The following LPGAT1 variants were observed in gnomAD, a reference collection of about 807,000 sequenced individuals.
LPGAT1 encodes lysophosphatidylglycerol acyltransferase 1.
A neutral mutation model predicts 47.5 loss-of-function variants in LPGAT1; 11 were observed. The observed-to-expected ratio is 0.23, with a 90% CI of 0.15 to 0.38. The LOEUF is 0.38. Among genes scored for constraint, LPGAT1 ranks in the 10% least tolerant of loss-of-function variants. The pLI, the probability that LPGAT1 is intolerant of heterozygous loss-of-function variation, is 1.00. For missense variants in LPGAT1, 293 were observed against 439.0 expected, an observed-to-expected ratio of 0.67 and a Z score of 2.97; for synonymous variants, 138 against 144.2, an observed-to-expected ratio of 0.96 and a Z score of 0.31.
At chr1:211,797,302 TTTCC>T (rs1659390660) in intron 2 of LPGAT1, among the ~76,000 whole-genome samples, 2 of 139,600 alleles carry the variant, frequency 1.4e-5, no homozygotes, top group African/African-American at 5.3e-5. Context: ...TCAACTTTTC[TTTCC>T]TTTTCTTTTT....
chr1:211,797,279 G>A (rs1287520940), intron 2 of LPGAT1, among the ~76,000 whole-genome samples: 4 of 149,456 alleles, frequency 2.7e-5, no homozygotes, highest in African/African-American at 4.9e-5. Flanking sequence ...AAAACAAAAT[G>A]AAGGTACCTA....
chr1:211,770,518 C>T (rs759452389), intron 6 of LPGAT1, among the ~76,000 whole-genome samples: 3 of 152,190 alleles, frequency 2.0e-5, no homozygotes, highest in Non-Finnish European at 2.9e-5. Context: ...TGCCACATGA[C>T]ATTTCAGTCA....
intron 5 of LPGAT1, among the ~76,000 whole-genome samples, chr1:211,780,556 T>A (rs905878975): frequency 4.2e-4 from 64 of 152,354 alleles, no homozygotes; most frequent in African/African-American, 1.5e-3. Context: ...ATTACTTTTG[T>A]ATGTCAAATA....
chr1:211,829,891 TG>T, intron 1 of LPGAT1: 1 of 980,498 alleles, frequency 1.0e-6, no homozygotes, highest in Non-Finnish European at 1.2e-6. Flanking sequence ...AGAAAAAAAA[TG>T]GGGGGCCTAG....
At chr1:211,782,676 G>A (rs528374028) in intron 5 of LPGAT1, among the ~76,000 whole-genome samples, 1 of 151,938 alleles carries the variant, frequency 6.6e-6, no homozygotes, top group Admixed American at 6.6e-5. Flanking sequence ...TCAAGACTAC[G>A]GTGAGCTATG....
At chr1:211,809,324 C>T (rs1278109242) in intron 2 of LPGAT1, among the ~76,000 whole-genome samples, 2 of 152,156 alleles carry the variant, frequency 1.3e-5, no homozygotes, top group East Asian at 3.9e-4. Flanking sequence ...CCCCAACTTG[C>T]TCAAAGGTTT....
chr1:211,819,491 CCAA>C (rs1224450219), intron 2 of LPGAT1, among the ~76,000 whole-genome samples: 1 of 151,930 alleles, frequency 6.6e-6, no homozygotes, highest in African/African-American at 2.4e-5. Flanking sequence ...GACCCTGTCT[CCAA>C]CAACAACAAA....
chr1:211,815,951 TG>T (rs1367636257), intron 2 of LPGAT1, among the ~76,000 whole-genome samples: 1 of 151,834 alleles, frequency 6.6e-6, no homozygotes, highest in African/African-American at 2.4e-5. Flanking sequence ...GCTAATTTTT[TG>T]TATTTTTTTT....
chr1:211,779,309 G>T (rs1284118307), intron 5 of LPGAT1, among the ~76,000 whole-genome samples: 1 of 152,062 alleles, frequency 6.6e-6, no homozygotes, highest in Non-Finnish European at 1.5e-5. Context: ...ATACAATTAT[G>T]CACTATGAAG....
chr1:211,830,421 T>G lies in LPGAT1; in HGVS notation c.-28+152A>C. 4.3e-6 allele frequency: 5 copies of G among 1,166,950 alleles called. No homozygotes were observed. Among genetic ancestry groups the G allele is most frequent in the Non-Finnish European group, 5.3e-6 (5 of 944,400 alleles). 72.3% of individuals were successfully genotyped at this position (1,166,950 alleles called of 1,614,324 possible). ...CGGGCGGATGCCCCGCGCCCCCGCCTCCTCCCCGGGGCCTACCGCGCCCTC... is the reference window on the plus strand; with the variant it reads ...CGGGCGGATGCCCCGCGCCCCCGCCGCCTCCCCGGGGCCTACCGCGCCCTC... On this transcript the variant is annotated intron_variant, in intron 1 of 7. Coordinates refer to ENST00000366997, the MANE Select transcript of LPGAT1 (RefSeq NM_014873.3). This position sits in a 1 kb window ranked among gnomAD's most constrained non-coding sequence, Gnocchi z 5.9.
intron 6 of LPGAT1, among the ~76,000 whole-genome samples, chr1:211,758,129 G>C (rs908216975): frequency 3.9e-5 from 6 of 152,186 alleles, no homozygotes; most frequent in African/African-American, 1.4e-4. Flanking sequence ...TCCATTTGAA[G>C]TGGATTTGAA....
At chr1:211,757,322 G>A (rs951600585) in intron 6 of LPGAT1, among the ~76,000 whole-genome samples, 4 of 151,736 alleles carry the variant, frequency 2.6e-5, no homozygotes, top group East Asian at 3.9e-4. Flanking sequence ...TGCCAGTTGC[G>A]TGACCTTGGG....
chr1:211,773,116 G>A (rs1441388572), intron 6 of LPGAT1, among the ~76,000 whole-genome samples: 1 of 152,160 alleles, frequency 6.6e-6, no homozygotes, highest in East Asian at 1.9e-4. Context: ...CAGAGTATGT[G>A]CATTTTCACC....
intron 5 of LPGAT1, among the ~76,000 whole-genome samples, chr1:211,780,136 C>T (rs1039634257): frequency 2.8e-4 from 43 of 152,148 alleles, no homozygotes; most frequent in Non-Finnish European, 1.5e-5. Context: ...GAGATCGCAC[C>T]ATTGCACTCC....
intron 3 of LPGAT1, 48 bp from the exon 4 acceptor site, chr1:211,787,775 C>A: frequency 8.4e-7 from 1 of 1,194,088 alleles, no homozygotes; most frequent in South Asian, 1.4e-5. Context: ...AGAAACCTGA[C>A]TATAGTTGAG....
At chr1:211,755,293 G>A (rs1279797797) in intron 6 of LPGAT1, among the ~76,000 whole-genome samples, 2 of 150,796 alleles carry the variant, frequency 1.3e-5, no homozygotes, top group Non-Finnish European at 2.9e-5. Flanking sequence ...AGCCAGGATC[G>A]CACCACTGCA....
chr1:211,815,140 G>A (rs188478595), intron 2 of LPGAT1, among the ~76,000 whole-genome samples: 41 of 152,248 alleles, frequency 2.7e-4, no homozygotes, highest in Admixed American at 1.6e-3. Context: ...ATAATTTGCC[G>A]ATTTCTCTTT....
chr1:211,812,378 T>TATGACACAGAGAGAGG, intron 2 of LPGAT1, among the ~76,000 whole-genome samples: 1 of 152,292 alleles, frequency 6.6e-6, no homozygotes, highest in African/African-American at 2.4e-5. Flanking sequence ...AATGTAAGCA[T>TATGACACAGAGAGAGG]ATGACACAGA....
chr1:211,828,143 TACTG>T (rs2102614887), intron 2 of LPGAT1, among the ~76,000 whole-genome samples: 1 of 152,344 alleles, frequency 6.6e-6, no homozygotes, highest in African/African-American at 2.4e-5. Flanking sequence ...CTACAGCCTC[TACTG>T]ACCACAGCAT....
Sources: allele counts gnomAD v4.1 joint callset (sites outside exome capture counted in the v4.1 genomes callset), GRCh38; gene constraint gnomAD v4.1.1; non-coding constraint Gnocchi (gnomAD v3.1); transcripts MANE v1.5; gene names NCBI Gene and HGNC (gene_info 2026-07-23, HGNC 2026-07-21).